The following NXPE1 variants were observed in gnomAD, a reference collection of about 807,000 sequenced individuals.
NXPE1 encodes the protein neurexophilin and PC-esterase domain family member 1, also known as NXPE family member 1.
In NXPE1, 31 loss-of-function variants were observed where a neutral mutation model predicts 33.3. The observed-to-expected ratio is 0.93, with a 90% CI of 0.70 to 1.26. The LOEUF (loss-of-function observed/expected upper bound fraction) is 1.26. Ranked by LOEUF, NXPE1 falls within the 50% of genes most tolerant of loss-of-function variation. The probability of loss-of-function intolerance (pLI) is 0.00; values close to 1 mark genes in which losing one functional copy is unlikely to be tolerated. For synonymous variants in NXPE1, 229 were observed against 231.4 expected (o/e 0.99, Z 0.09); for missense variants, 661 against 655.6 (o/e 1.01, Z -0.09).
At chr11:114,542,369 T>G (rs908889825) in intron 5 of NXPE1, among the ~76,000 whole-genome samples, 2 of 152,310 alleles carry the variant, frequency 1.3e-5, no homozygotes, top group Non-Finnish European at 2.9e-5. Flanking sequence ...AGATCGTTCC[T>G]AAGGAATCTA....
At chr11:114,530,817 T>C in exon 6 of NXPE1, 1 of 1,614,202 alleles carries the variant, frequency 6.2e-7, no homozygotes. Context: ...TGTTAGTGGC[T>C]TTAATGGTAT....
At chr11:114,559,578 A>G (rs1016341016) in intron 1 of NXPE1, among the ~76,000 whole-genome samples, 2 of 151,688 alleles carry the variant, frequency 1.3e-5, no homozygotes, top group African/African-American at 2.4e-5. Flanking sequence ...AAACCAGCCT[A>G]TCCTTGTCAG....
chr11:114,532,625 A>G (rs973528229), intron 5 of NXPE1, among the ~76,000 whole-genome samples: 11 of 152,174 alleles, frequency 7.2e-5, no homozygotes, highest in Non-Finnish European at 1.3e-4. Flanking sequence ...TATATTTTAT[A>G]CTAAAACTAG....
chr11:114,535,640 C>T (rs550453505), intron 5 of NXPE1, among the ~76,000 whole-genome samples: 143 of 152,168 alleles, frequency 9.4e-4, no homozygotes, highest in African/African-American at 3.1e-3. Flanking sequence ...ATCCTAGTCT[C>T]GGATAAAACA....
intron 5 of NXPE1, among the ~76,000 whole-genome samples, chr11:114,550,207 G>C (rs7951096): frequency 0.019 from 2,905 of 152,116 alleles, 95 homozygotes; most frequent in African/African-American, 0.067. Flanking sequence ...GGTCAGACAG[G>C]CCAGTTAGAA....
intron 1 of NXPE1, among the ~76,000 whole-genome samples, chr11:114,557,986 G>T (rs139957114): frequency 3.3e-4 from 50 of 151,782 alleles, no homozygotes; most frequent in African/African-American, 6.3e-4. Flanking sequence ...TTCCCTAACT[G>T]CCCTTTGTTC....
intron 1 of NXPE1, chr11:114,553,900 A>T: frequency 1.0e-6 from 1 of 982,990 alleles, no homozygotes; most frequent in Middle Eastern, 5.2e-4. Flanking sequence ...CGTGGAAGTC[A>T]TCAAAGGCTA....
chr11:114,554,885 C>T (rs1368857433), intron 1 of NXPE1, among the ~76,000 whole-genome samples: 1 of 152,168 alleles, frequency 6.6e-6, no homozygotes, highest in Non-Finnish European at 1.5e-5. Flanking sequence ...CATTTGTGGG[C>T]CTGCCAACCC....
At chr11:114,538,670 A>G (rs1947946130) in intron 5 of NXPE1, among the ~76,000 whole-genome samples, 1 of 152,122 alleles carries the variant, frequency 6.6e-6, no homozygotes, top group Non-Finnish European at 1.5e-5. Context: ...GCAGCCAAAA[A>G]ACACGTGAAA....
intron 5 of NXPE1, among the ~76,000 whole-genome samples, chr11:114,547,569 C>T (rs1266841302): frequency 6.6e-6 from 1 of 151,996 alleles, no homozygotes; most frequent in Non-Finnish European, 1.5e-5. Context: ...ACGCATCTCT[C>T]CCAAAAAATA....
At chr11:114,536,690 G>A (rs1947839105) in intron 5 of NXPE1, among the ~76,000 whole-genome samples, 2 of 152,120 alleles carry the variant, frequency 1.3e-5, no homozygotes, top group South Asian at 4.1e-4. Context: ...AGAAGAAATG[G>A]ATAAATTCCT....
At chr11:114,528,038 A>G in intron 6 of NXPE1, 137 bp from the exon 7 acceptor site, 3 of 592,852 alleles carry the variant, frequency 5.1e-6, no homozygotes, top group Middle Eastern at 6.3e-4. Flanking sequence ...AATTTTAGAT[A>G]TATTGGGTAT....
chr11:114,548,390 C>T (rs190823278), intron 5 of NXPE1, among the ~76,000 whole-genome samples: 40 of 151,944 alleles, frequency 2.6e-4, no homozygotes, highest in Non-Finnish European at 3.1e-4. Flanking sequence ...ACATATGAAA[C>T]CTTTACAAAT....
intron 1 of NXPE1, among the ~76,000 whole-genome samples, chr11:114,555,348 T>G (rs549881755): frequency 6.6e-6 from 1 of 152,216 alleles, no homozygotes; most frequent in South Asian, 2.1e-4. Context: ...CTCAGCCTCC[T>G]GAGTAGCTGG....
chr11:114,556,685 AT>A (rs1459789702), intron 1 of NXPE1, among the ~76,000 whole-genome samples: 1 of 151,880 alleles, frequency 6.6e-6, no homozygotes, highest in South Asian at 2.1e-4. Flanking sequence ...CTTTCATATC[AT>A]TTTTTAAAAT....
At chr11:114,519,804 A>G (rs1254723254), downstream of NXPE1, among the ~76,000 whole-genome samples, 2 of 152,140 alleles carry the variant, frequency 1.3e-5, no homozygotes, top group African/African-American at 2.4e-5. Flanking sequence ...TAAGGTATAC[A>G]GTGTGATGTT....
chr11:114,538,004 C>A (rs1456679348), intron 5 of NXPE1, among the ~76,000 whole-genome samples: 1 of 152,192 alleles, frequency 6.6e-6, no homozygotes, highest in Non-Finnish European at 1.5e-5. Flanking sequence ...AAGCTGGAGG[C>A]ATCCCGCTAC....
intron 5 of NXPE1, among the ~76,000 whole-genome samples, chr11:114,540,190 C>G (rs1948039944): frequency 1.3e-5 from 2 of 152,186 alleles, no homozygotes; most frequent in African/African-American, 4.8e-5. Flanking sequence ...CTCCTGACCT[C>G]AAGTGATCTG....
chr11:114,558,794 A>G (rs1199748581), intron 1 of NXPE1, among the ~76,000 whole-genome samples: 2 of 152,208 alleles, frequency 1.3e-5, no homozygotes, highest in Non-Finnish European at 2.9e-5. Flanking sequence ...GTTTGTGTTT[A>G]TCTATGCCCT....
Sources: gnomAD v4.1 joint callset for allele counts (sites outside exome capture counted in the v4.1 genomes callset) on GRCh38, gnomAD v4.1.1 for gene constraint, MANE v1.5 for transcripts, NCBI Gene and HGNC (gene_info 2026-07-23, HGNC 2026-07-21) for gene names.